PROCA1: variants seen among roughly 807,000 people sequenced by gnomAD.
PROCA1 encodes the protein protein PROCA1.
A neutral mutation model predicts 23.2 loss-of-function variants in PROCA1; 22 were observed. The ratio of observed to expected loss-of-function variants is 0.95; its 90% CI spans 0.68 to 1.35. The LOEUF is 1.35. Among genes scored for constraint, PROCA1 ranks in the 40% most tolerant of loss-of-function variants. The pLI, the probability that PROCA1 is intolerant of heterozygous loss-of-function variation, is 0.00. For missense variants in PROCA1, 469 were observed against 459.8 expected, an observed-to-expected ratio of 1.02 and a Z score of -0.18; for synonymous variants, 182 against 179.2, an observed-to-expected ratio of 1.02 and a Z score of -0.12.
At chr17:28,710,976 G>GGGGGGAAGGGGGGGAAGGA in intron 1 of PROCA1, 1 of 1,280,822 alleles carries the variant, frequency 7.8e-7, no homozygotes, top group Non-Finnish European at 1.0e-6. Flanking sequence ...AAAGGAGTAG[G>GGGGGGAAGGGGGGGAAGGA]GTGGGAAGGG....
At chr17:28,709,088 C>A (rs193243917) in intron 1 of PROCA1, among the ~76,000 whole-genome samples, 1 of 152,174 alleles carries the variant, frequency 6.6e-6, no homozygotes, top group Non-Finnish European at 1.5e-5. Flanking sequence ...GTAATTTGTC[C>A]AAACATACAT....
In PROCA1 at chr17:28,704,766, CAG is replaced by C; in HGVS notation, c.251_252del (p.Ser84Ter). On this transcript the variant is annotated frameshift_variant, in exon 3 of 5. Coordinates refer to ENST00000682792, the MANE Select transcript of PROCA1 (RefSeq NM_001366301.1). LOFTEE classifies it high-confidence loss of function. ...AGGTGCAGGCTGTGGCGGACACAGT[CAG>C]AGGCGAAAGGGTAGATGATGTGCCC... ...CTGHIIYPFA[S>X]DCVRHSLHLH... 6.2e-7 allele frequency: 1 copy of C among 1,614,076 alleles called. No homozygotes were observed. Among genetic ancestry groups the C allele is most frequent in the Non-Finnish European group, 8.5e-7 (1 of 1,179,988 alleles).
Position 28,704,690 on chromosome 17 carries a change from A to G in PROCA1, c.311+18T>C, listed in dbSNP as rs2032364667. The G allele has an allele frequency of 2.5e-6, 4 of 1,613,404 alleles. No individual in the cohort carries two copies. The highest frequency in any genetic ancestry group is 3.4e-6 in the Non-Finnish European group (4 of 1,179,622). On this transcript the variant is annotated intron_variant, in intron 3 of 4. Coordinates refer to ENST00000682792, the MANE Select transcript of PROCA1 (RefSeq NM_001366301.1). ...GACCTGGCTCTGCCATGGGTCCCCC[A>G]AGGGGGCGGGCCCTCACCTAGAATT...
rs373875341 is a variant in PROCA1, at chr17:28,703,822, C to T, written c.831G>A (p.Pro277=). ...KKSPVKLEPS[P]PDVSRSLSAR... is the part of the protein sequence containing the mutation. ...CGCTTAATGATCGGCTCACGTCTGG[C>T]GGGGAAGGCTCCAATTTAACCGGGC... The change falls in exon 5 of 5, where the codon CCG becomes CCA. Residue 277 remains proline (P), a synonymous_variant. Coordinates refer to ENST00000682792, the MANE Select transcript of PROCA1 (RefSeq NM_001366301.1). 44 of 1,614,032 alleles carry T rather than the reference C, an allele frequency of 2.7e-5. No individual in the cohort carries two copies. The highest frequency in any genetic ancestry group is 1.5e-4 in the African/African-American group (11 of 74,926).
At chr17:28,710,148 C>G (rs2032711335) in intron 1 of PROCA1, among the ~76,000 whole-genome samples, 1 of 152,020 alleles carries the variant, frequency 6.6e-6, no homozygotes, top group African/African-American at 2.4e-5. Flanking sequence ...GCTGGGACCT[C>G]AGCCAGGGTG....
chr17:28,706,892 A>G (rs2151683800), intron 1 of PROCA1, 129 bp from the exon 2 acceptor site: 5 of 352,118 alleles, frequency 1.4e-5, no homozygotes, highest in South Asian at 1.3e-4. Context: ...ATTAAACAAC[A>G]GTCCCTGCTC....
rs1418264523 is a variant in PROCA1, at chr17:28,711,111, G to A, written c.91+459C>T. The A allele has an allele frequency of 3.4e-6, 4 of 1,181,088 alleles. No individual in the cohort carries two copies. The Admixed American group carries it at 1.4e-4, about 43-fold the overall frequency. 73.2% of individuals were successfully genotyped at this position (1,181,088 alleles called of 1,614,324 possible). A position where few individuals can be genotyped will look rare whatever the true frequency, so the allele number is the denominator to read the frequency against. ...ATGCCTCTCTGGCCTCGCCGCCGCG[G>A]AGGTAATTGTGATGCCACGGGTGGA... is the stretch of plus-strand genomic sequence containing the variant. On this transcript the variant is annotated intron_variant, in intron 1 of 4. Coordinates refer to ENST00000682792, the MANE Select transcript of PROCA1 (RefSeq NM_001366301.1).
rs922971096 is a variant in PROCA1, at chr17:28,703,983, T to TG, written c.669dup (p.Thr224HisfsTer28). On this transcript the variant is annotated frameshift_variant, in exon 5 of 5. Transcript: ENST00000682792. LOFTEE classifies it high-confidence loss of function. ...ACCTTGCTGCCCTGACCCTTCCCTG[T>TG]GGGGCTCTCAGAGCGCCAGATGGTG... 6.2e-7 allele frequency: 1 copy of TG among 1,610,734 alleles called. No homozygotes were observed. Among genetic ancestry groups the TG allele is most frequent in the Non-Finnish European group, 8.5e-7 (1 of 1,178,560 alleles).
Position 28,704,266 on chromosome 17 carries a change from G to T in PROCA1, c.440+41C>A, listed in dbSNP as rs778552875. On this transcript the variant is annotated intron_variant, in intron 4 of 4. Transcript: ENST00000682792. ...GACAGAGAGTGGGGGGCAGTGCCCT[G>T]TAGAGGCCCCTTCCCCATCAGCCCA... is the stretch of plus-strand genomic sequence containing the variant. The T allele has an allele frequency of 2.5e-6, 4 of 1,590,454 alleles. No homozygotes were observed. The Admixed American group carries it at 6.9e-5, about 28-fold the overall frequency.
chr17:28,703,703 A>C lies in PROCA1; in HGVS notation c.950T>G (p.Leu317Arg). Residue 317 changes from leucine (L) to arginine (R), a missense_variant, in exon 5 of 5, where the codon CTG becomes CGG. Physicochemically the swap from Leu to Arg is moderately radical, Grantham distance 102. Transcript: ENST00000682792. ...TGATTCCACAATATCCTCGCTGGAC[A>C]GTTCTCCCTGCCCCCGGCCATTGTA... ...DSYNGRGQGE[L>R]SSEDIVESSS... 6.2e-7 allele frequency: 1 copy of C among 1,614,106 alleles called. No individual in the cohort carries two copies. Among genetic ancestry groups the C allele is most frequent in the Non-Finnish European group, 8.5e-7 (1 of 1,180,016 alleles).
At chr17:28,711,472 C>G in intron 1 of PROCA1, 98 bp downstream of exon 1, 1 of 1,021,562 alleles carries the variant, frequency 9.8e-7, no homozygotes. Context: ...GTTGGTTTGC[C>G]CGTCTCCCTC....
intron 2 of PROCA1, chr17:28,705,924 T>C (rs2032453666): frequency 6.6e-6 from 1 of 152,332 alleles, no homozygotes; most frequent in Non-Finnish European, 1.5e-5. Context: ...CCGAGGATTG[T>C]GCCTTTGCCA....
intron 1 of PROCA1, among the ~76,000 whole-genome samples, chr17:28,709,958 C>T (rs2032702974): frequency 6.6e-6 from 1 of 152,070 alleles, no homozygotes. Context: ...TATCGTGCTA[C>T]TGCACTCCAG....
intron 1 of PROCA1, chr17:28,707,074 A>G (rs1261713540): frequency 6.3e-6 from 2 of 318,338 alleles, no homozygotes; most frequent in African/African-American, 2.2e-5. Context: ...ACTGGGGACT[A>G]TGGAAGACTT....
At chr17:28,705,363 C>G (rs1315794606) in intron 2 of PROCA1, 3 of 153,666 alleles carry the variant, frequency 2.0e-5, no homozygotes, top group Admixed American at 1.9e-4. Context: ...ACTTCCCCCT[C>G]CTCCCTTCTC....
chr17:28,711,671 C>T lies in PROCA1; in HGVS notation c.-11G>A. 1.2e-6 allele frequency: 2 copies of T among 1,611,440 alleles called. No homozygotes were observed. Among genetic ancestry groups the T allele is most frequent in the South Asian group, 1.1e-5 (1 of 90,944 alleles). On this transcript the variant is annotated 5_prime_UTR_variant, in exon 1 of 5. It introduces an in-frame stop codon into an upstream open reading frame of the 5' UTR. Transcript: ENST00000682792. ...CGTCCTGACCCACATCGCTCTCCGC[C>T]CAGGTCTTCGTCTCTACAGGACTCT...
Position 28,706,721 on chromosome 17 carries a change from G to A in PROCA1, c.134C>T (p.Ala45Val). ...LPSWERGHLL[A>V]GVASSTDVST... ...CACATCAGTGCTGGACGCCACACCAGCCAGCAGATGTCCTCTCTCCCAGCT... is the reference window on the plus strand; with the variant it reads ...CACATCAGTGCTGGACGCCACACCAACCAGCAGATGTCCTCTCTCCCAGCT... Residue 45 changes from alanine to valine, a missense_variant, in exon 2 of 5, where the codon GCT becomes GTT. By Grantham distance (64) the Ala-to-Val change is moderately conservative. Coordinates refer to ENST00000682792, the MANE Select transcript of PROCA1 (RefSeq NM_001366301.1). 1 of 1,303,836 alleles carries A rather than the reference G, an allele frequency of 7.7e-7. No homozygotes were observed. The highest frequency in any genetic ancestry group is 1.0e-6 in the Non-Finnish European group (1 of 988,876). 80.8% of individuals were successfully genotyped at this position (1,303,836 alleles called of 1,614,324 possible).
chr17:28,704,591 A>C (rs2032353878), intron 3 of PROCA1, 117 bp downstream of exon 3: 1 of 1,563,112 alleles, frequency 6.4e-7, no homozygotes, highest in East Asian at 2.2e-5. Flanking sequence ...CAGAGCTGGG[A>C]CTGGGCTGGC....
chr17:28,704,842 A>T lies in PROCA1; in HGVS notation c.177T>A (p.Gly59=). The T allele has an allele frequency of 3.1e-6, 5 of 1,612,084 alleles. No individual in the cohort carries two copies. The highest frequency in any genetic ancestry group is 4.2e-6 in the Non-Finnish European group (5 of 1,179,738). Residue 59 remains glycine, a splice_region_variant and synonymous_variant, in exon 3 of 5, where the codon GGT becomes GGA. Coordinates refer to ENST00000682792, the MANE Select transcript of PROCA1 (RefSeq NM_001366301.1). ...AGCACTTGTCAGGCTCCTTGCAGTC[A>T]CCTGAGGGGGCAGGAGTCTGGGTCA... ...SSTDVSTFSE[G]DCKEPDKCCW...
Sources: allele counts gnomAD v4.1 joint callset (sites outside exome capture counted in the v4.1 genomes callset), GRCh38; gene constraint gnomAD v4.1.1; transcripts MANE v1.5; gene names NCBI Gene and HGNC (gene_info 2026-07-23, HGNC 2026-07-21).